The following ZDHHC17 variants were observed in gnomAD, a reference collection of about 807,000 sequenced individuals.
ZDHHC17 encodes the protein zDHHC palmitoyltransferase 17.
In ZDHHC17, 40 loss-of-function variants were observed where a neutral mutation model predicts 90.3. The observed-to-expected ratio is 0.44, with a 90% CI of 0.34 to 0.58. ZDHHC17 has a LOEUF of 0.58. ZDHHC17 is among the 20% of genes least tolerant of loss of function. The pLI, the probability that ZDHHC17 is intolerant of heterozygous loss-of-function variation, is 0.01. For synonymous variants in ZDHHC17, 235 were observed against 252.4 expected, an observed-to-expected ratio of 0.93 and a Z score of 0.65; for missense variants, 614 against 780.8, an observed-to-expected ratio of 0.79 and a Z score of 2.55.
chr12:76,776,793 T>C (rs1199167023), intron 1 of ZDHHC17, among the ~76,000 whole-genome samples: 1 of 152,238 alleles, frequency 6.6e-6, no homozygotes, highest in East Asian at 1.9e-4. Flanking sequence ...ATAATCTATA[T>C]ACAGAAAGTT....
intron 1 of ZDHHC17, among the ~76,000 whole-genome samples, chr12:76,777,526 T>C (rs2137719261): frequency 6.6e-6 from 1 of 152,324 alleles, no homozygotes; most frequent in South Asian, 2.1e-4. Context: ...TAAACATAAA[T>C]TTTGATTCTT....
intron 12 of ZDHHC17, among the ~76,000 whole-genome samples, 180 bp downstream of exon 12, chr12:76,843,161 G>T (rs77931276): frequency 6.6e-6 from 1 of 152,054 alleles, no homozygotes; most frequent in Non-Finnish European, 1.5e-5. Context: ...ATTCCTCGAT[G>T]GTAGGCCTTG....
At chr12:76,828,362 C>T in intron 9 of ZDHHC17, 28 bp from the exon 10 acceptor site, 2 of 1,520,524 alleles carry the variant, frequency 1.3e-6, no homozygotes, top group Non-Finnish European at 1.8e-6. Flanking sequence ...ATATAGAGCT[C>T]ATATTTTATA....
intron 10 of ZDHHC17, among the ~76,000 whole-genome samples, chr12:76,834,725 TGTAAATGA>T (rs1953343852): frequency 6.6e-6 from 1 of 152,228 alleles, no homozygotes. Context: ...ATTTGACTAC[TGTAAATGA>T]AGATGGATGT....
chr12:76,786,277 T>A (rs1160644095), intron 1 of ZDHHC17, among the ~76,000 whole-genome samples: 2 of 151,954 alleles, frequency 1.3e-5, no homozygotes, highest in Non-Finnish European at 2.9e-5. Context: ...TAATTTTTTT[T>A]ATTTTTATTT....
chr12:76,824,361 A>G (rs1269393017), intron 8 of ZDHHC17, among the ~76,000 whole-genome samples: 1 of 151,984 alleles, frequency 6.6e-6, no homozygotes, highest in Non-Finnish European at 1.5e-5. Context: ...AAAGCCTATG[A>G]TGATTGGGAG....
chr12:76,774,030 G>A (rs974088797), intron 1 of ZDHHC17, among the ~76,000 whole-genome samples: 3 of 152,020 alleles, frequency 2.0e-5, no homozygotes, highest in African/African-American at 7.3e-5. Flanking sequence ...TGGGAGGATC[G>A]CTTGAGCCTA....
intron 5 of ZDHHC17, chr12:76,813,268 G>A (rs1953046974): frequency 2.4e-6 from 1 of 409,016 alleles, no homozygotes; most frequent in Non-Finnish European, 4.8e-6. Context: ...AAGAAATAAG[G>A]AAGTTTGTTG....
In ZDHHC17 at chr12:76,797,478, T is replaced by C. The variant is rs17813691; in HGVS notation, c.138T>C (p.Pro46=). ...ATTATAACCATGGATATGGTGAACC[T>C]CTTGGACGGAAAACTCATATTGATG... ...QSHYNHGYGE[P]LGRKTHIDDY... Residue 46 remains proline (P), a synonymous_variant, in exon 2 of 17, where the codon CCT becomes CCC. Transcript: ENST00000426126. The C allele has an allele frequency of 0.019, 31,159 of 1,610,966 alleles. 379 individuals are homozygous for C. The highest frequency in any genetic ancestry group is 0.02 in the Non-Finnish European group (24,130 of 1,178,420).
chr12:76,819,623 A>G (rs939276012), intron 7 of ZDHHC17, among the ~76,000 whole-genome samples: 8 of 152,194 alleles, frequency 5.3e-5, no homozygotes, highest in Non-Finnish European at 1.0e-4. Context: ...TTACCTTCAC[A>G]TATTAGTTAC....
intron 1 of ZDHHC17, among the ~76,000 whole-genome samples, chr12:76,770,501 C>G (rs1233411139): frequency 6.6e-6 from 1 of 152,210 alleles, no homozygotes; most frequent in Non-Finnish European, 1.5e-5. Flanking sequence ...TGTAGACCTT[C>G]AGATACCTCA....
At chr12:76,842,495 T>C (rs895845496) in intron 11 of ZDHHC17, among the ~76,000 whole-genome samples, 7 of 152,200 alleles carry the variant, frequency 4.6e-5, no homozygotes, top group Non-Finnish European at 1.0e-4. Flanking sequence ...AGCTAAAATA[T>C]TTGTATATAC....
intron 1 of ZDHHC17, among the ~76,000 whole-genome samples, chr12:76,769,547 C>A (rs1284339061): frequency 5.9e-5 from 9 of 152,102 alleles, no homozygotes. Context: ...ACCTGCAACT[C>A]TTTTCCTTCA....
In ZDHHC17 at chr12:76,764,147, C is replaced by A; in HGVS notation, c.-90C>A. On this transcript the variant is annotated 5_prime_UTR_variant, in exon 1 of 17. Coordinates refer to ENST00000426126, the MANE Select transcript of ZDHHC17 (RefSeq NM_015336.4). The stretch of plus-strand genomic sequence containing the variant: ...GGGCAGGAGAAGAAGGAGGAGGAGG[C>A]CCGCGTCGCCTCCGGCGGGGCTCGC... 1 of 1,033,468 alleles carries A rather than the reference C, an allele frequency of 9.7e-7. No individual in the cohort carries two copies. Among genetic ancestry groups the A allele is most frequent in the Non-Finnish European group, 1.4e-6 (1 of 716,110 alleles). The allele number at this position is 1,033,468 out of a possible 1,614,324, so 64.0% of individuals were successfully genotyped here.
intron 9 of ZDHHC17, among the ~76,000 whole-genome samples, chr12:76,828,125 G>A (rs978031150): frequency 4.6e-5 from 7 of 152,036 alleles, no homozygotes; most frequent in Admixed American, 2.0e-4. Flanking sequence ...TAAGAGAATA[G>A]GAGTGCGCTA....
At position 76,829,770 on chromosome 12, in the gene ZDHHC17, A is replaced by G. The variant is rs116939344; in HGVS notation, c.1141+1280A>G. 2.8e-3 allele frequency among the ~76,000 whole-genome samples: 420 copies of G among 152,288 alleles called. 1 individual carries two copies. The highest frequency in any genetic ancestry group is 6.8e-3 in the Middle Eastern group (2 of 294). ...CATCTCTTTTGCCTTCATGAAAAGC[A>G]TGTAATGCTGTATTTTCACATATTT... On this transcript the variant is annotated intron_variant, in intron 10 of 16. Coordinates refer to ENST00000426126, the MANE Select transcript of ZDHHC17 (RefSeq NM_015336.4).
chr12:76,782,578 G>A (rs1012923276), intron 1 of ZDHHC17, among the ~76,000 whole-genome samples: 1 of 152,128 alleles, frequency 6.6e-6, no homozygotes, highest in Admixed American at 6.5e-5. Flanking sequence ...AAAGTTGCCT[G>A]CTCAGCAGAC....
At chr12:76,796,942 G>C (rs1450652316) in intron 1 of ZDHHC17, among the ~76,000 whole-genome samples, 1 of 152,160 alleles carries the variant, frequency 6.6e-6, no homozygotes, top group East Asian at 1.9e-4. Flanking sequence ...AAAATGGGTA[G>C]ATCTCTTTGA....
At chr12:76,821,401 TTTTTA>T (rs1953161520) in intron 7 of ZDHHC17, among the ~76,000 whole-genome samples, 1 of 152,060 alleles carries the variant, frequency 6.6e-6, no homozygotes, top group East Asian at 1.9e-4. Context: ...TTGTTGTTTA[TTTTTA>T]TTTTATAATA....
Sources: gnomAD v4.1 joint callset for allele counts (sites outside exome capture counted in the v4.1 genomes callset) on GRCh38, gnomAD v4.1.1 for gene constraint, MANE v1.5 for transcripts, NCBI Gene and HGNC (gene_info 2026-07-23, HGNC 2026-07-21) for gene names.